Variants in UACA observed in about 807,000 individuals in gnomAD.
UACA encodes nuclear membrane binding protein.
In UACA, 112 loss-of-function variants were observed where a neutral mutation model predicts 160.5. That is an observed-to-expected ratio of 0.70 (90% CI 0.60 to 0.82). The LOEUF is 0.82. Ranked by LOEUF, UACA falls within the 40% of genes least tolerant of loss-of-function variation. The pLI, the probability that UACA is intolerant of heterozygous loss-of-function variation, is 0.00. For synonymous variants in UACA, 557 were observed against 568.4 expected, an observed-to-expected ratio of 0.98 and a Z score of 0.29; for missense variants, 1,574 against 1,614.6, an observed-to-expected ratio of 0.97 and a Z score of 0.43.
At chr15:70,760,632 C>T (rs994181704) in intron 1 of UACA, among the ~76,000 whole-genome samples, 1 of 151,828 alleles carries the variant, frequency 6.6e-6, no homozygotes, top group East Asian at 1.9e-4. Flanking sequence ...CATGGTGAAA[C>T]CCTGTCTCTA....
intron 13 of UACA, among the ~76,000 whole-genome samples, chr15:70,674,742 C>G (rs1897255383): frequency 6.6e-6 from 1 of 152,122 alleles, no homozygotes; most frequent in South Asian, 2.1e-4. Flanking sequence ...GTATTACAGG[C>G]ATGTGCCACC....
At chr15:70,771,664 G>A in the UACA span, among the ~76,000 whole-genome samples, 2 of 152,234 alleles carry the variant, frequency 1.3e-5, no homozygotes, top group African/African-American at 4.8e-5. Flanking sequence ...ATGTGCTAGA[G>A]AACAAAGTGG....
At chr15:70,704,518 A>G (rs1436874614) in intron 1 of UACA, among the ~76,000 whole-genome samples, 3 of 152,178 alleles carry the variant, frequency 2.0e-5, no homozygotes, top group East Asian at 3.8e-4. Flanking sequence ...GTTAAAACAC[A>G]TGTTCTTCAG....
chr15:70,684,448 TA>T lies in UACA; in HGVS notation c.603-3del, dbSNP rs557208967. On this transcript the variant is annotated splice_polypyrimidine_tract_variant and splice_region_variant and intron_variant, in intron 7 of 18. Coordinates refer to ENST00000322954, the MANE Select transcript of UACA (RefSeq NM_018003.4). ...TCGCAACCTAGCATGAGGGCAGTTC[TA>T]AATGGAAAAATGGAAGAGCAAAAGA... is the stretch of plus-strand genomic sequence containing the variant. 5.6e-6 allele frequency: 9 copies of T among 1,594,604 alleles called. No individual in the cohort carries two copies. The East Asian group carries it at 2.0e-4, about 36-fold the overall frequency.
intron 1 of UACA, among the ~76,000 whole-genome samples, chr15:70,745,132 T>A (rs1250043264): frequency 6.6e-6 from 1 of 151,836 alleles, no homozygotes; most frequent in East Asian, 1.9e-4. Flanking sequence ...CTGAAGGAAA[T>A]AAGAGAGGAC....
Position 70,668,044 on chromosome 15 carries a change from G to C in UACA, c.2640C>G (p.Asn880Lys), listed in dbSNP as rs1340023525. The C allele has an allele frequency of 8.1e-6, 13 of 1,611,800 alleles. No individual in the cohort carries two copies. Among genetic ancestry groups the C allele is most frequent in the Non-Finnish European group, 1.1e-5 (13 of 1,179,608 alleles). ...MTLNDTLAKT[N>K]RELLDVKKKF... The stretch of plus-strand genomic sequence containing the variant: ...TTTTCTTCACATCTAATAATTCTCT[G>C]TTAGTTTTGGCTAACGTGTCATTCA... The change falls in exon 16 of 19, where the codon AAC becomes AAG. Residue 880 changes from asparagine (N) to lysine (K), a missense_variant. Asn to Lys is a moderately conservative substitution (Grantham distance 94). Transcript: ENST00000322954.
chr15:70,771,596 ATAAG>A, the UACA span, among the ~76,000 whole-genome samples: 1 of 152,238 alleles, frequency 6.6e-6, no homozygotes, highest in African/African-American at 2.4e-5. Flanking sequence ...AAACAAGCAA[ATAAG>A]TAAGCGACCA....
At chr15:70,745,217 G>A (rs1008404472) in intron 1 of UACA, among the ~76,000 whole-genome samples, 37 of 152,032 alleles carry the variant, frequency 2.4e-4, no homozygotes, top group African/African-American at 8.5e-4. Flanking sequence ...GGACCATGAG[G>A]TCAGGAGATC....
intron 1 of UACA, among the ~76,000 whole-genome samples, chr15:70,711,435 G>A (rs1217950776): frequency 6.6e-6 from 1 of 151,784 alleles, no homozygotes; most frequent in Non-Finnish European, 1.5e-5. Context: ...GCCAAGGCGG[G>A]CAGATCACTT....
At chr15:70,675,099 CTGTCACTTATTATT>C (rs997096105) in intron 13 of UACA, among the ~76,000 whole-genome samples, 2 of 152,194 alleles carry the variant, frequency 1.3e-5, no homozygotes, top group Non-Finnish European at 2.9e-5. Flanking sequence ...AGTCCTGACT[CTGTCACTTATTATT>C]TGTGAAACCC....
the UACA span, among the ~76,000 whole-genome samples, chr15:70,769,081 CG>C: frequency 6.6e-6 from 1 of 151,948 alleles, no homozygotes; most frequent in Middle Eastern, 3.4e-3. Context: ...CTTTCGGGCC[CG>C]GCGCGGTGGC....
chr15:70,773,735 G>C, the UACA span, among the ~76,000 whole-genome samples: 1 of 152,186 alleles, frequency 6.6e-6, no homozygotes, highest in Non-Finnish European at 1.5e-5. Context: ...GGGCAATGAA[G>C]AAACACCACT....
intron 1 of UACA, among the ~76,000 whole-genome samples, chr15:70,749,852 TATAA>T (rs2029931230): frequency 6.6e-6 from 1 of 152,058 alleles, no homozygotes; most frequent in African/African-American, 2.4e-5. Flanking sequence ...CCGAACTGAA[TATAA>T]ATATGTGCAC....
chr15:70,763,456 C>T lies in UACA; in HGVS notation c.-49G>A. The stretch of plus-strand genomic sequence containing the variant: ...CGCGAACCTTAAAGGCTGCGGAGTG[C>T]CAGCGCGCAAGGAGTAGACGGCAGC... On this transcript the variant is annotated 5_prime_UTR_variant, in exon 1 of 19. Coordinates refer to ENST00000322954, the MANE Select transcript of UACA (RefSeq NM_018003.4). The T allele has an allele frequency of 7.8e-7, 1 of 1,279,850 alleles. No individual in the cohort carries two copies. Among genetic ancestry groups the T allele is most frequent in the South Asian group, 2.8e-5 (1 of 36,266 alleles). 79.3% of individuals were successfully genotyped at this position (1,279,850 alleles called of 1,614,324 possible). A position where few individuals can be genotyped will look rare whatever the true frequency, so the allele number is the denominator to read the frequency against.
chr15:70,777,604 A>G, the UACA span, among the ~76,000 whole-genome samples: 1,923 of 152,342 alleles, frequency 0.013, 41 homozygotes, highest in African/African-American at 0.045. Context: ...GGAAGAGCTC[A>G]TGGTCAGCTG....
intron 1 of UACA, among the ~76,000 whole-genome samples, chr15:70,725,152 C>T (rs1221987043): frequency 6.6e-6 from 1 of 151,898 alleles, no homozygotes; most frequent in African/African-American, 2.4e-5. Flanking sequence ...TTTGGTAAAT[C>T]CTATGACTCC....
intron 1 of UACA, among the ~76,000 whole-genome samples, chr15:70,750,360 C>G (rs1268685181): frequency 1.3e-5 from 2 of 152,146 alleles, no homozygotes; most frequent in African/African-American, 2.4e-5. Flanking sequence ...ATTCCAAGAT[C>G]TACCCCCAAA....
intron 1 of UACA, among the ~76,000 whole-genome samples, chr15:70,736,453 G>A (rs1189032978): frequency 6.6e-6 from 1 of 151,944 alleles, no homozygotes; most frequent in Non-Finnish European, 1.5e-5. Context: ...TTTGGGGGGT[G>A]GGATGGAGTC....
At chr15:70,752,237 CAAAA>C (rs35156370) in intron 1 of UACA, among the ~76,000 whole-genome samples, 17,750 of 106,042 alleles carry the variant, frequency 0.17, 1,425 homozygotes, top group African/African-American at 0.26. Flanking sequence ...AAAACTCCAT[CAAAA>C]AAAAAAAAAA....
Sources: allele counts gnomAD v4.1 joint callset (sites outside exome capture counted in the v4.1 genomes callset), GRCh38; gene constraint gnomAD v4.1.1; transcripts MANE v1.5; gene names NCBI Gene and HGNC (gene_info 2026-07-23, HGNC 2026-07-21).